Variants in ASIC2 observed in about 807,000 individuals in gnomAD.
ASIC2 encodes the protein acid sensing ion channel subunit 2.
ASIC2 carries 25 observed loss-of-function variants against 57.3 expected under a neutral mutation model. The ratio of observed to expected loss-of-function variants is 0.44; its 90% CI spans 0.32 to 0.61. The LOEUF (loss-of-function observed/expected upper bound fraction) is 0.61. ASIC2 is among the 20% of genes least tolerant of loss of function. ASIC2 has a pLI of 0.06. For missense variants in ASIC2, 641 were observed against 738.1 expected (o/e 0.87, Z 1.52); for synonymous variants, 319 against 307.5 (o/e 1.04, Z -0.39).
intron 1 of ASIC2, among the ~76,000 whole-genome samples, chr17:33,416,407 G>A (rs1044928703): frequency 5.3e-5 from 8 of 152,132 alleles, no homozygotes; most frequent in South Asian, 2.1e-4. Flanking sequence ...TAACTAGCTC[G>A]TGGCATCACC....
intron 3 of ASIC2, among the ~76,000 whole-genome samples, chr17:33,040,251 A>G (rs16557): frequency 0.39 from 58,992 of 152,066 alleles, 11,793 homozygotes; most frequent in Admixed American, 0.54. Context: ...TCATGAAGAG[A>G]CACACTCCAA....
intron 1 of ASIC2, among the ~76,000 whole-genome samples, chr17:33,998,025 C>T (rs1906216352): frequency 6.6e-6 from 1 of 152,064 alleles, no homozygotes; most frequent in South Asian, 2.1e-4. Flanking sequence ...GTCCCAGGCT[C>T]TTCTTTGTTC....
At chr17:33,498,337 A>C (rs2060991319) in intron 1 of ASIC2, among the ~76,000 whole-genome samples, 1 of 152,222 alleles carries the variant, frequency 6.6e-6, no homozygotes, top group Admixed American at 6.5e-5. Flanking sequence ...AAAACATCAA[A>C]ACAGTTCAGA....
At chr17:33,786,875 G>A (rs1370657656) in intron 1 of ASIC2, among the ~76,000 whole-genome samples, 1 of 152,230 alleles carries the variant, frequency 6.6e-6, no homozygotes, top group East Asian at 1.9e-4. Flanking sequence ...GAGTCAGTGA[G>A]AAGGGTGAGC....
chr17:33,799,153 C>T (rs938919164), intron 1 of ASIC2, among the ~76,000 whole-genome samples: 8 of 152,194 alleles, frequency 5.3e-5, no homozygotes, highest in South Asian at 2.1e-4. Context: ...GTTACCTTTA[C>T]GCCTAGGGCT....
Position 34,126,710 on chromosome 17 carries a change from C to A in ASIC2, c.555+29268G>T, listed in dbSNP as rs189393066. Reference sequence around the variant, plus strand: ...ACTCTGAACGAAGAGGCAAGGCAGGCACAGGCAGGGGATGGAGGTGGATGG... The same window carrying A: ...ACTCTGAACGAAGAGGCAAGGCAGGAACAGGCAGGGGATGGAGGTGGATGG... On this transcript the variant is annotated intron_variant, in intron 1 of 9. Coordinates refer to the ASIC2 transcript ENST00000359872. Among the ~76,000 whole-genome samples, 22 of 152,268 alleles carry A rather than the reference C, an allele frequency of 1.4e-4. 1 individual carries two copies. In the East Asian group the frequency reaches 3.7e-3, roughly 25 times the overall value.
At chr17:33,115,861 T>A (rs2092278929) in intron 1 of ASIC2, among the ~76,000 whole-genome samples, 2 of 152,204 alleles carry the variant, frequency 1.3e-5, no homozygotes, top group South Asian at 4.1e-4. Context: ...AATGAATGAA[T>A]GAATGAGAGT....
At chr17:34,027,593 C>T (rs901608263) in intron 1 of ASIC2, among the ~76,000 whole-genome samples, 1 of 152,312 alleles carries the variant, frequency 6.6e-6, no homozygotes, top group Non-Finnish European at 1.5e-5. Context: ...GATACAACTT[C>T]TTTTGTACAC....
intron 1 of ASIC2, among the ~76,000 whole-genome samples, chr17:33,491,129 G>A (rs1913742394): frequency 6.6e-6 from 1 of 152,052 alleles, no homozygotes; most frequent in African/African-American, 2.4e-5. Context: ...CCACACAGTG[G>A]TTCTATTTTC....
chr17:33,504,558 T>C (rs1914193879), intron 1 of ASIC2, among the ~76,000 whole-genome samples: 12 of 152,242 alleles, frequency 7.9e-5, no homozygotes. Context: ...CAGACTGTTC[T>C]TGAACTCCTG....
At position 33,679,744 on chromosome 17, in the gene ASIC2, GA is replaced by G. The variant is rs1419072341; in HGVS notation, c.555+476233del. On this transcript the variant is annotated intron_variant, in intron 1 of 9. Transcript: ENST00000359872. ...GAGCAGGCCAGGCGAAGGCAGAGGG[GA>G]CAGCCTTCCAGTGAGTGGAAACAGC... is the stretch of plus-strand genomic sequence containing the variant. 2.0e-5 allele frequency among the ~76,000 whole-genome samples: 3 copies of G among 152,134 alleles called. No homozygotes were observed. The East Asian group carries it at 5.8e-4, about 29-fold the overall frequency.
chr17:33,940,994 G>A (rs1174002161), intron 1 of ASIC2, among the ~76,000 whole-genome samples: 4 of 152,212 alleles, frequency 2.6e-5, no homozygotes, highest in African/African-American at 7.2e-5. Context: ...TTCTAAGTGC[G>A]GTGAAGAACT....
chr17:33,655,315 C>T (rs1339284357), intron 1 of ASIC2, among the ~76,000 whole-genome samples: 1 of 152,234 alleles, frequency 6.6e-6, no homozygotes, highest in Admixed American at 6.5e-5. Flanking sequence ...TCATTGCTTC[C>T]TGTTTCTCCT....
chr17:33,135,899 T>C (rs2092365240), intron 1 of ASIC2, among the ~76,000 whole-genome samples: 1 of 152,260 alleles, frequency 6.6e-6, no homozygotes, highest in Admixed American at 6.5e-5. Context: ...TGGGCCAATA[T>C]TTCTCCATTT....
intron 1 of ASIC2, among the ~76,000 whole-genome samples, chr17:34,127,040 A>G (rs1457769334): frequency 6.6e-6 from 1 of 152,192 alleles, no homozygotes; most frequent in Non-Finnish European, 1.5e-5. Flanking sequence ...CCCATGGATA[A>G]GCAATGAAGC....
chr17:33,759,733 C>A (rs563080359), intron 1 of ASIC2, among the ~76,000 whole-genome samples: 1 of 152,324 alleles, frequency 6.6e-6, no homozygotes, highest in South Asian at 2.1e-4. Flanking sequence ...TTGGCTACCC[C>A]AGCCTTGGAT....
intron 1 of ASIC2, among the ~76,000 whole-genome samples, chr17:33,807,269 T>C (rs1912294234): frequency 6.6e-6 from 1 of 152,174 alleles, no homozygotes; most frequent in Non-Finnish European, 1.5e-5. Flanking sequence ...ACTGAGCAGG[T>C]GATAGGATTT....
intron 1 of ASIC2, among the ~76,000 whole-genome samples, chr17:33,180,234 A>G (rs117903059): frequency 1.4e-3 from 220 of 152,360 alleles, no homozygotes; most frequent in Admixed American, 3.3e-3. Flanking sequence ...TGTTCAAACT[A>G]GAAATCCCTG....
intron 1 of ASIC2, among the ~76,000 whole-genome samples, chr17:33,759,310 A>G (rs1281207780): frequency 6.6e-6 from 1 of 152,168 alleles, no homozygotes; most frequent in Non-Finnish European, 1.5e-5. Flanking sequence ...TATCTGGCGG[A>G]AAAAATTTCT....
Sources: gnomAD v4.1 joint callset for allele counts (sites outside exome capture counted in the v4.1 genomes callset) on GRCh38, gnomAD v4.1.1 for gene constraint, MANE v1.5 for transcripts, NCBI Gene and HGNC (gene_info 2026-07-23, HGNC 2026-07-21) for gene names.